PDIA6: variants seen among roughly 807,000 people sequenced by gnomAD.
PDIA6 encodes the protein protein disulfide-isomerase A6.
A neutral mutation model predicts 58.4 loss-of-function variants in PDIA6; 29 were observed. That is an observed-to-expected ratio of 0.50 (90% CI 0.37 to 0.68). The LOEUF is 0.68. PDIA6 is among the 30% of genes least tolerant of loss of function. PDIA6 has a pLI of 0.00. For missense variants in PDIA6, 480 were observed against 551.0 expected (o/e 0.87, Z 1.29); for synonymous variants, 192 against 202.6 (o/e 0.95, Z 0.44).
At chr2:10,793,224 C>CA (rs75715279) in intron 4 of PDIA6, 22 bp from the exon 5 acceptor site, 10 of 1,557,794 alleles carry the variant, frequency 6.4e-6, no homozygotes, top group Non-Finnish European at 8.9e-6. Flanking sequence ...GGAAGGTAGG[C>CA]GGTCCTCAGC....
chr2:10,810,549 C>G (rs973521005), intron 1 of PDIA6: 3 of 789,248 alleles, frequency 3.8e-6, no homozygotes, highest in Admixed American at 4.8e-5. Context: ...TGGTGAGGGA[C>G]CTTTGTTTGT....
At chr2:10,811,400 T>C (rs747997658) in intron 1 of PDIA6, among the ~76,000 whole-genome samples, 23 of 152,152 alleles carry the variant, frequency 1.5e-4, no homozygotes, top group Non-Finnish European at 3.4e-4. Context: ...TGTGGTGGCA[T>C]GTGCCTGGAT....
At chr2:10,816,407 A>C (rs1423909455), upstream of PDIA6, among the ~76,000 whole-genome samples, 7 of 116,002 alleles carry the variant, frequency 6.0e-5, no homozygotes, top group Non-Finnish European at 1.8e-5. Context: ...TTTTTTTTTC[A>C]AAACACCATT....
At chr2:10,812,435 C>T (rs1223518976) in intron 1 of PDIA6, among the ~76,000 whole-genome samples, 1 of 151,882 alleles carries the variant, frequency 6.6e-6, no homozygotes, top group Non-Finnish European at 1.5e-5. Flanking sequence ...GGCTCCAGCG[C>T]ACGAGGCTCC....
At chr2:10,787,939 G>A (rs13382367) in intron 10 of PDIA6, among the ~76,000 whole-genome samples, 12,457 of 151,954 alleles carry the variant, frequency 0.082, 1,717 homozygotes, top group African/African-American at 0.28. Context: ...GGTGGCGTGC[G>A]CCTGTAGTCC....
upstream of PDIA6, among the ~76,000 whole-genome samples, chr2:10,816,226 G>C (rs958453664): frequency 6.6e-6 from 1 of 151,720 alleles, no homozygotes; most frequent in Admixed American, 6.6e-5. Flanking sequence ...GGGATTACAG[G>C]CACCCACCAC....
At chr2:10,834,732 C>CTCCCTCCCTCCTTCCTTCCT (rs1217424185), upstream of PDIA6, among the ~76,000 whole-genome samples, 2 of 36,414 alleles carry the variant, frequency 5.5e-5, no homozygotes, top group African/African-American at 1.9e-4. Context: ...CCTTCCTTCC[C>CTCCCTCCCTCCTTCCTTCCT]TCCTTCCTTC....
upstream of PDIA6, among the ~76,000 whole-genome samples, chr2:10,833,254 G>A (rs1002196921): frequency 2.0e-5 from 3 of 152,182 alleles, no homozygotes; most frequent in African/African-American, 7.2e-5. Context: ...CTGCCCTCGG[G>A]CAGGCCCAGG....
intron 12 of PDIA6, 145 bp downstream of exon 12, chr2:10,784,789 T>C: frequency 3.3e-6 from 2 of 612,860 alleles, no homozygotes; most frequent in Non-Finnish European, 5.8e-6. Context: ...ATGAAGGGTC[T>C]TCAGAGAAGA....
intron 11 of PDIA6, 99 bp from the exon 12 acceptor site, chr2:10,785,129 T>C: frequency 1.3e-6 from 1 of 798,510 alleles, no homozygotes. Flanking sequence ...CTACTTTGTT[T>C]ATGCAGAGGC....
Position 10,809,645 on chromosome 2 carries a change from C to CAAAAAAAA in PDIA6, c.19+3025_19+3032dup, listed in dbSNP as rs56308831. Reference sequence around the variant, plus strand: ...TGGGAGGCAGAGCAAGACCCGGTCTCAAAAAAAAAAAAAAAAAAAAAAAAA... The same window carrying CAAAAAAAA: ...TGGGAGGCAGAGCAAGACCCGGTCTCAAAAAAAAAAAAAAAAAAAAAAAAAAAAAAAAA... On this transcript the variant is annotated intron_variant, in intron 1 of 12. Coordinates refer to ENST00000272227, the MANE Select transcript of PDIA6 (RefSeq NM_005742.4). Among the ~76,000 whole-genome samples, 130 of 64,616 alleles carry CAAAAAAAA rather than the reference C, an allele frequency of 2.0e-3. 4 individuals are homozygous for CAAAAAAAA. Among genetic ancestry groups the CAAAAAAAA allele is most frequent in the Middle Eastern group, 0.019 (1 of 52 alleles). 42.4% of individuals were successfully genotyped at this position (64,616 alleles called of 152,430 possible).
Position 10,793,084 on chromosome 2 carries a change from T to C in PDIA6, c.453+12A>G, listed in dbSNP as rs1260661930. ...TTATGACACATTAAAAACTGACATT[T>C]TATGGTCTTACTTGTTTTCCAGAAC... On this transcript the variant is annotated intron_variant, in intron 5 of 12. Transcript: ENST00000272227. 1.9e-6 allele frequency: 3 copies of C among 1,571,918 alleles called. No homozygotes were observed. The Middle Eastern group carries it at 5.0e-4, about 263-fold the overall frequency.
intron 1 of PDIA6, among the ~76,000 whole-genome samples, chr2:10,824,581 C>A (rs956818967): frequency 2.0e-5 from 3 of 152,226 alleles, no homozygotes; most frequent in Non-Finnish European, 4.4e-5. Context: ...GGACTTTGGT[C>A]AATGGCTAGA....
chr2:10,824,650 C>A (rs1667499599), intron 1 of PDIA6, among the ~76,000 whole-genome samples: 1 of 152,212 alleles, frequency 6.6e-6, no homozygotes, highest in Admixed American at 6.5e-5. Flanking sequence ...AACTACCCCA[C>A]AAGATGAGGA....
chr2:10,836,213 T>G (rs2148587005), upstream of PDIA6, among the ~76,000 whole-genome samples: 1 of 152,252 alleles, frequency 6.6e-6, no homozygotes, highest in African/African-American at 2.4e-5. Context: ...AAATACAAGC[T>G]GAATCTTCCT....
intron 8 of PDIA6, 27 bp from the exon 9 acceptor site, chr2:10,789,008 A>G: frequency 6.4e-7 from 1 of 1,551,538 alleles, no homozygotes; most frequent in Non-Finnish European, 8.9e-7. Flanking sequence ...ACAAGGGACA[A>G]TCAGGAGGCT....
intron 4 of PDIA6, among the ~76,000 whole-genome samples, chr2:10,795,231 C>A (rs1369756804): frequency 6.6e-6 from 1 of 152,142 alleles, no homozygotes; most frequent in East Asian, 1.9e-4. Flanking sequence ...TTCTGTTGTT[C>A]CAGTGCAAAA....
intron 1 of PDIA6, among the ~76,000 whole-genome samples, chr2:10,806,360 C>T (rs1666742564): frequency 7.6e-6 from 1 of 132,248 alleles, no homozygotes; most frequent in African/African-American, 2.7e-5. Context: ...AGGGCAAGAC[C>T]TTGTCTCAAA....
chr2:10,818,872 C>T (rs1667300274), intron 2 of PDIA6, among the ~76,000 whole-genome samples: 1 of 152,016 alleles, frequency 6.6e-6, no homozygotes, highest in Non-Finnish European at 1.5e-5. Context: ...GCGCTCACAT[C>T]GTTGTACAAC....
Sources: allele counts gnomAD v4.1 joint callset (sites outside exome capture counted in the v4.1 genomes callset), GRCh38; gene constraint gnomAD v4.1.1; transcripts MANE v1.5; gene names NCBI Gene and HGNC (gene_info 2026-07-23, HGNC 2026-07-21).